Variants in MYO5A observed in about 807,000 individuals in gnomAD.
MYO5A encodes the protein unconventional myosin-Va.
A neutral mutation model predicts 249.7 loss-of-function variants in MYO5A; 98 were observed. The ratio of observed to expected loss-of-function variants is 0.39; its 90% CI spans 0.33 to 0.46. The LOEUF is 0.46. Among genes scored for constraint, MYO5A ranks in the 20% least tolerant of loss-of-function variants. The probability of loss-of-function intolerance (pLI) is 0.98; values close to 1 mark genes in which losing one functional copy is unlikely to be tolerated. For synonymous variants in MYO5A, 778 were observed against 810.6 expected (o/e 0.96, Z 0.68); for missense variants, 1,696 against 2,308.8 (o/e 0.73, Z 5.44).
intron 1 of MYO5A, among the ~76,000 whole-genome samples, chr15:52,446,974 A>G (rs1462880612): frequency 5.3e-5 from 8 of 152,182 alleles, no homozygotes; most frequent in Non-Finnish European, 1.2e-4. Context: ...AAAGTCTCAG[A>G]TAAGACTTTG....
At chr15:52,422,642 A>G (rs1439353270) in intron 4 of MYO5A, among the ~76,000 whole-genome samples, 2 of 152,178 alleles carry the variant, frequency 1.3e-5, no homozygotes, top group African/African-American at 2.4e-5. Flanking sequence ...GATCAAGGCA[A>G]TAACCTCCCA....
intron 25 of MYO5A, among the ~76,000 whole-genome samples, chr15:52,357,211 C>T (rs1368652987): frequency 6.6e-6 from 1 of 151,890 alleles, no homozygotes; most frequent in African/African-American, 2.4e-5. Context: ...GTAAACATTC[C>T]ATATTATATA....
At chr15:52,366,940 A>C in intron 23 of MYO5A, 91 bp downstream of exon 23, 1 of 1,100,638 alleles carries the variant, frequency 9.1e-7, no homozygotes. Flanking sequence ...TTTAAATTCT[A>C]AATAATGTTG....
intron 3 of MYO5A, among the ~76,000 whole-genome samples, chr15:52,427,255 C>A (rs1295923500): frequency 6.6e-6 from 1 of 152,056 alleles, no homozygotes; most frequent in Non-Finnish European, 1.5e-5. Flanking sequence ...AAAGTCATTT[C>A]TAAATGCTGA....
intron 1 of MYO5A, among the ~76,000 whole-genome samples, chr15:52,471,950 C>T (rs1240778040): frequency 1.3e-5 from 2 of 152,108 alleles, no homozygotes; most frequent in Admixed American, 6.5e-5. Flanking sequence ...CCTCCTGCCT[C>T]GGCCTCTTAA....
intron 23 of MYO5A, among the ~76,000 whole-genome samples, chr15:52,365,542 A>G (rs1035920226): frequency 2.6e-5 from 4 of 152,198 alleles, no homozygotes; most frequent in African/African-American, 7.2e-5. Flanking sequence ...TGTTACCCAT[A>G]TATTTTGAGG....
chr15:52,330,221 G>A, intron 35 of MYO5A, 132 bp downstream of exon 35: 2 of 1,221,596 alleles, frequency 1.6e-6, no homozygotes, highest in Non-Finnish European at 2.4e-6. Context: ...CACTACTGCA[G>A]CACTAGAATA....
At chr15:52,421,672 C>G (rs1177100197) in intron 4 of MYO5A, among the ~76,000 whole-genome samples, 2 of 152,144 alleles carry the variant, frequency 1.3e-5, no homozygotes, top group Admixed American at 1.3e-4. Flanking sequence ...AGCTCCCTAC[C>G]ATGGTCTCCC....
At chr15:52,527,319 C>A (rs543457834) in intron 1 of MYO5A, among the ~76,000 whole-genome samples, 5 of 152,324 alleles carry the variant, frequency 3.3e-5, no homozygotes, top group African/African-American at 1.2e-4. Context: ...ACATAGCAAG[C>A]ACCATATTAA....
intron 28 of MYO5A, among the ~76,000 whole-genome samples, chr15:52,350,783 G>A (rs1447982298): frequency 6.6e-6 from 1 of 152,144 alleles, no homozygotes; most frequent in Non-Finnish European, 1.5e-5. Context: ...CTACTAAACA[G>A]AACTGCCTAA....
rs1324330573 is a variant in MYO5A at position 52,474,491 on chromosome 15, T to A, written c.28-41206A>T. ...CAGTTTTCAAAGGGAATGCTTCCAG[T>A]TTTTGCCCATTCAGTATGATATTGG... is the stretch of plus-strand genomic sequence containing the variant. On this transcript the variant is annotated intron_variant, in intron 1 of 41. Coordinates refer to ENST00000399233, the MANE Select transcript of MYO5A (RefSeq NM_001382347.1). Among the ~76,000 whole-genome samples, 4 of 152,236 alleles carry A rather than the reference T, an allele frequency of 2.6e-5. No homozygotes were observed. The East Asian group carries it at 7.7e-4, about 29-fold the overall frequency.
chr15:52,386,778 G>A (rs1373652663), intron 14 of MYO5A, among the ~76,000 whole-genome samples: 2 of 152,060 alleles, frequency 1.3e-5, no homozygotes, highest in Non-Finnish European at 2.9e-5. Context: ...AAACTCCTGG[G>A]CTCAAGCAGT....
chr15:52,429,063 G>T (rs2075460392), intron 2 of MYO5A, among the ~76,000 whole-genome samples: 1 of 152,170 alleles, frequency 6.6e-6, no homozygotes, highest in Non-Finnish European at 1.5e-5. Context: ...AAAAGTAAAT[G>T]AGGCAAGTCC....
chr15:52,407,700 C>T (rs977559276), intron 7 of MYO5A, among the ~76,000 whole-genome samples: 1 of 152,064 alleles, frequency 6.6e-6, no homozygotes, highest in Non-Finnish European at 1.5e-5. Flanking sequence ...TTACTCCCCT[C>T]ATAAGAAACC....
At chr15:52,416,415 G>A in intron 4 of MYO5A, 114 bp from the exon 5 acceptor site, 6 of 1,110,466 alleles carry the variant, frequency 5.4e-6, no homozygotes, top group Admixed American at 2.0e-5. Flanking sequence ...TTTTTTGGTC[G>A]ATACTGGTGC....
At chr15:52,444,673 C>T (rs990134066) in intron 1 of MYO5A, among the ~76,000 whole-genome samples, 7 of 152,200 alleles carry the variant, frequency 4.6e-5, no homozygotes, top group Admixed American at 4.6e-4. Flanking sequence ...AGCAAAACAA[C>T]TCACACTTTC....
chr15:52,409,020 T>G (rs1296979849), intron 6 of MYO5A, among the ~76,000 whole-genome samples: 1 of 152,162 alleles, frequency 6.6e-6, no homozygotes, highest in Non-Finnish European at 1.5e-5. Context: ...AGGTCCTCTT[T>G]GTACATAAAG....
At position 52,425,985 on chromosome 15, in the gene MYO5A, G is replaced by C; in HGVS notation, c.311-11C>G. On this transcript the variant is annotated splice_polypyrimidine_tract_variant and intron_variant, in intron 3 of 41. Coordinates refer to ENST00000399233, the MANE Select transcript of MYO5A (RefSeq NM_001382347.1). ...CTACTAGGACTATACCTGGGAATAG[G>C]GTAGGGGACAAGAAAGAAAAAGAAG... 1 of 1,611,082 alleles carries C rather than the reference G, an allele frequency of 6.2e-7. No homozygotes were observed. The highest frequency in any genetic ancestry group is 8.5e-7 in the Non-Finnish European group (1 of 1,177,688).
At chr15:52,336,883 A>C (rs988612736) in intron 33 of MYO5A, among the ~76,000 whole-genome samples, 5 of 152,228 alleles carry the variant, frequency 3.3e-5, no homozygotes, top group Admixed American at 1.3e-4. Context: ...CTTTCTTTTA[A>C]AGGAGGACTG....
Sources: gnomAD v4.1 joint callset for allele counts (sites outside exome capture counted in the v4.1 genomes callset) on GRCh38, gnomAD v4.1.1 for gene constraint, MANE v1.5 for transcripts, NCBI Gene and HGNC (gene_info 2026-07-23, HGNC 2026-07-21) for gene names.